Variants in SPOCK1 observed in about 807,000 individuals in gnomAD.
SPOCK1 encodes the protein testican-1.
In SPOCK1, 23 loss-of-function variants were observed where a neutral mutation model predicts 55.3. The ratio of observed to expected loss-of-function variants is 0.42; its 90% CI spans 0.30 to 0.59. SPOCK1 has a LOEUF of 0.59. Ranked by LOEUF, SPOCK1 falls within the 20% of genes least tolerant of loss-of-function variation. The probability of loss-of-function intolerance (pLI) is 0.22; values close to 1 mark genes in which losing one functional copy is unlikely to be tolerated. For missense variants in SPOCK1, 499 were observed against 552.5 expected (o/e 0.90, Z 0.97); for synonymous variants, 226 against 221.0 (o/e 1.02, Z -0.20).
At chr5:136,983,790 A>C (rs984005617) in intron 9 of SPOCK1, among the ~76,000 whole-genome samples, 3 of 152,212 alleles carry the variant, frequency 2.0e-5, no homozygotes, top group African/African-American at 7.2e-5. Context: ...ATTTTTTCTG[A>C]GTCAGCTGGA....
chr5:137,385,446 C>T (rs1461122154), intron 2 of SPOCK1, among the ~76,000 whole-genome samples: 3 of 152,216 alleles, frequency 2.0e-5, no homozygotes, highest in African/African-American at 7.2e-5. Flanking sequence ...GAATGTTAAA[C>T]ACACTTCAGA....
intron 2 of SPOCK1, among the ~76,000 whole-genome samples, chr5:137,291,844 T>C (rs1317196161): frequency 6.6e-6 from 1 of 152,190 alleles, no homozygotes; most frequent in East Asian, 1.9e-4. Context: ...TCACACTCCT[T>C]GCCACAGCAA....
At chr5:137,244,243 T>C (rs1366650301) in intron 3 of SPOCK1, among the ~76,000 whole-genome samples, 1 of 152,190 alleles carries the variant, frequency 6.6e-6, no homozygotes, top group East Asian at 1.9e-4. Flanking sequence ...AGTCTGCTAG[T>C]GGCACAGGGA....
At chr5:137,005,022 C>A (rs945122829) in intron 6 of SPOCK1, among the ~76,000 whole-genome samples, 6 of 152,206 alleles carry the variant, frequency 3.9e-5, no homozygotes, top group Non-Finnish European at 7.3e-5. Context: ...CAAAATTATT[C>A]TTCTTGTAGG....
intron 2 of SPOCK1, among the ~76,000 whole-genome samples, chr5:137,299,769 A>T (rs1233235286): frequency 6.6e-6 from 1 of 152,144 alleles, no homozygotes; most frequent in Non-Finnish European, 1.5e-5. Flanking sequence ...GGTTTTTAAA[A>T]TATCATTATT....
chr5:137,410,958 A>T (rs545043792), intron 2 of SPOCK1, among the ~76,000 whole-genome samples: 12 of 152,334 alleles, frequency 7.9e-5, no homozygotes, highest in Admixed American at 3.9e-4. Context: ...ACCTCAGGAA[A>T]GTTTGTTTCC....
At chr5:137,463,046 GACA>G (rs1174670928) in intron 2 of SPOCK1, among the ~76,000 whole-genome samples, 53 of 152,202 alleles carry the variant, frequency 3.5e-4, no homozygotes, top group African/African-American at 1.3e-3. Context: ...TAGTCCTGAG[GACA>G]ACGAGGAGTC....
chr5:137,293,027 A>C (rs1193158648), intron 2 of SPOCK1, among the ~76,000 whole-genome samples: 1 of 150,254 alleles, frequency 6.7e-6, no homozygotes, highest in Admixed American at 6.6e-5. Context: ...CCCATCTGGC[A>C]CATTCTTTTA....
intron 3 of SPOCK1, among the ~76,000 whole-genome samples, chr5:137,235,167 TC>T (rs902662328): frequency 9.2e-5 from 14 of 152,202 alleles, no homozygotes; most frequent in African/African-American, 3.1e-4. Context: ...CTGCATGGTT[TC>T]TTTGATGTAG....
At chr5:137,236,986 C>T (rs1030141949) in intron 3 of SPOCK1, among the ~76,000 whole-genome samples, 2 of 152,172 alleles carry the variant, frequency 1.3e-5, no homozygotes, top group Non-Finnish European at 2.9e-5. Context: ...GGATGAGAGG[C>T]CTGTTATCGA....
chr5:137,258,202 C>G (rs1431477136), intron 3 of SPOCK1, among the ~76,000 whole-genome samples: 1 of 152,170 alleles, frequency 6.6e-6, no homozygotes, highest in Non-Finnish European at 1.5e-5. Context: ...AACTGAGGTA[C>G]CCACTTAGGT....
At chr5:137,051,598 A>T (rs1421086061) in intron 6 of SPOCK1, among the ~76,000 whole-genome samples, 1 of 152,232 alleles carries the variant, frequency 6.6e-6, no homozygotes, top group African/African-American at 2.4e-5. Flanking sequence ...ATCTTAGTTC[A>T]TCAGAAACCA....
chr5:137,294,760 G>C (rs1757445797), intron 2 of SPOCK1, among the ~76,000 whole-genome samples: 1 of 152,190 alleles, frequency 6.6e-6, no homozygotes, highest in Non-Finnish European at 1.5e-5. Flanking sequence ...CAGTCACTCT[G>C]ATCTGCTGCT....
At chr5:137,216,969 G>A (rs1755727526) in intron 3 of SPOCK1, among the ~76,000 whole-genome samples, 1 of 152,152 alleles carries the variant, frequency 6.6e-6, no homozygotes, top group Non-Finnish European at 1.5e-5. Flanking sequence ...TTGAGGACAA[G>A]GAGAGGAGCC....
At chr5:137,401,699 T>C (rs1712078133) in intron 2 of SPOCK1, among the ~76,000 whole-genome samples, 1 of 152,016 alleles carries the variant, frequency 6.6e-6, no homozygotes, top group Admixed American at 6.6e-5. Flanking sequence ...GAGCATGATC[T>C]CACCACTGCA....
At chr5:137,440,191 G>A (rs1752965646) in intron 2 of SPOCK1, among the ~76,000 whole-genome samples, 1 of 151,608 alleles carries the variant, frequency 6.6e-6, no homozygotes, top group South Asian at 2.1e-4. Flanking sequence ...CATCTGGAAA[G>A]AAAAGAAAAA....
chr5:137,071,214 A>T (rs1193551585), intron 5 of SPOCK1, among the ~76,000 whole-genome samples: 3 of 152,028 alleles, frequency 2.0e-5, no homozygotes, highest in African/African-American at 7.2e-5. Flanking sequence ...GGCTGGTCTC[A>T]AACTCCTGGG....
At chr5:137,183,011 T>C (rs2127065322) in intron 3 of SPOCK1, among the ~76,000 whole-genome samples, 1 of 152,296 alleles carries the variant, frequency 6.6e-6, no homozygotes, top group Middle Eastern at 3.4e-3. Flanking sequence ...GTTCTCTATC[T>C]GAATGGCAAT....
intron 2 of SPOCK1, among the ~76,000 whole-genome samples, chr5:137,437,903 T>A (rs925801339): frequency 6.6e-6 from 1 of 152,168 alleles, no homozygotes; most frequent in Non-Finnish European, 1.5e-5. Context: ...CATCAAACAG[T>A]AACTCCCCAT....
Sources: allele counts gnomAD v4.1 joint callset (sites outside exome capture counted in the v4.1 genomes callset), GRCh38; gene constraint gnomAD v4.1.1; transcripts MANE v1.5; gene names NCBI Gene and HGNC (gene_info 2026-07-23, HGNC 2026-07-21).